Variants in SVIL observed in about 807,000 individuals in gnomAD.
SVIL encodes the protein supervillin, also known as archvillin.
Under a neutral mutation model 240.4 loss-of-function variants are expected in SVIL, and 101 were observed. The observed-to-expected ratio is 0.42, with a 90% confidence interval of 0.36 to 0.50. The LOEUF is 0.50. Among genes scored for constraint, SVIL ranks in the 20% least tolerant of loss-of-function variants. The pLI is 0.01. For missense variants in SVIL, 2,512 were observed against 2,818.7 expected, an observed-to-expected ratio of 0.89 and a Z score of 2.46; for synonymous variants, 999 against 1,100.0, an observed-to-expected ratio of 0.91 and a Z score of 1.82.
chr10:29,721,476 T>C (rs1963977295), intron 1 of SVIL, among the ~76,000 whole-genome samples: 1 of 151,826 alleles, frequency 6.6e-6, no homozygotes, highest in African/African-American at 2.4e-5. Flanking sequence ...AAAAAAGCAC[T>C]TTAAATAAAG....
intron 16 of SVIL, among the ~76,000 whole-genome samples, chr10:29,522,119 G>A (rs1023667451): frequency 6.6e-6 from 1 of 151,502 alleles, no homozygotes; most frequent in Non-Finnish European, 1.5e-5. Context: ...AAAGATATTG[G>A]GACAGTGGAA....
intron 29 of SVIL, among the ~76,000 whole-genome samples, chr10:29,480,313 A>G (rs981508254): frequency 3.3e-5 from 5 of 152,200 alleles, no homozygotes; most frequent in South Asian, 2.1e-4. Flanking sequence ...TTCAATTTCT[A>G]CAGGTGAACA....
chr10:29,724,197 A>G (rs1246261633), intron 1 of SVIL, among the ~76,000 whole-genome samples: 17 of 133,836 alleles, frequency 1.3e-4, no homozygotes, highest in African/African-American at 2.2e-4. Flanking sequence ...TTTTTTTTCA[A>G]GAAGCCTAAA....
intron 1 of SVIL, among the ~76,000 whole-genome samples, chr10:29,730,515 G>A (rs956443297): frequency 3.3e-5 from 5 of 152,194 alleles, no homozygotes; most frequent in South Asian, 2.1e-4. Flanking sequence ...AGAACCCAAC[G>A]GGGTTCTTGA....
At chr10:29,653,039 C>A (rs1336438264) in intron 3 of SVIL, among the ~76,000 whole-genome samples, 2 of 150,908 alleles carry the variant, frequency 1.3e-5, no homozygotes, top group Middle Eastern at 3.4e-3. Context: ...CTATGTTGAC[C>A]AAGCTGGTCT....
chr10:29,624,826 T>A (rs1327129215), intron 1 of SVIL, among the ~76,000 whole-genome samples: 1 of 152,228 alleles, frequency 6.6e-6, no homozygotes, highest in Non-Finnish European at 1.5e-5. Context: ...CCATTTACCA[T>A]CTGATTATTA....
intron 1 of SVIL, among the ~76,000 whole-genome samples, chr10:29,574,356 C>A (rs1955591045): frequency 6.6e-6 from 1 of 152,088 alleles, no homozygotes; most frequent in African/African-American, 2.4e-5. Context: ...TGGTACACAT[C>A]ACACCACACC....
intron 1 of SVIL, among the ~76,000 whole-genome samples, chr10:29,585,907 C>T (rs1471585593): frequency 3.3e-5 from 5 of 152,260 alleles, no homozygotes; most frequent in South Asian, 2.1e-4. Flanking sequence ...GCTCTGAGCG[C>T]GGTCACTGCC....
At chr10:29,544,476 C>A (rs187383302) in intron 6 of SVIL, among the ~76,000 whole-genome samples, 4 of 152,146 alleles carry the variant, frequency 2.6e-5, no homozygotes, top group Admixed American at 2.6e-4. Flanking sequence ...AATAGTCTGC[C>A]AGGCCCGGTG....
intron 3 of SVIL, among the ~76,000 whole-genome samples, chr10:29,651,617 A>ATTCT (rs758157520): frequency 3.9e-5 from 2 of 51,438 alleles, no homozygotes; most frequent in African/African-American, 1.6e-4. Context: ...TGCCACATGC[A>ATTCT]TTCTCTCTCT....
At chr10:29,529,368 G>A (rs1402470452) in intron 12 of SVIL, among the ~76,000 whole-genome samples, 3 of 69,772 alleles carry the variant, frequency 4.3e-5, no homozygotes, top group South Asian at 7.5e-4. Context: ...GAGCATCACC[G>A]GCCAGGAGCG....
chr10:29,687,936 T>C lies in SVIL; in HGVS notation c.-399-1285A>G, dbSNP rs371135295. Among the ~76,000 whole-genome samples the C allele has an allele frequency of 8.7e-4, 132 of 152,234 alleles. 1 individual carries two copies. The South Asian group carries it at 0.024, about 28-fold the overall frequency. The stretch of plus-strand genomic sequence containing the variant: ...AGTTACTCCCAGTTTCAGCAATGGA[T>C]AGTTCCCTTTCTTGCCCAATAACCG... On this transcript the variant is annotated intron_variant, in intron 1 of 35. Transcript: ENST00000375400.
intron 1 of SVIL, among the ~76,000 whole-genome samples, chr10:29,695,839 GTCTCCCTCTCCC>G (rs1367558611): frequency 3.3e-5 from 1 of 30,454 alleles, no homozygotes; most frequent in Non-Finnish European, 6.2e-5. Flanking sequence ...TCCCTCTCCC[GTCTCCCTCTCCC>G]TCTCCCTCTC....
At chr10:29,532,365 G>A (rs1951432148) in intron 8 of SVIL, among the ~76,000 whole-genome samples, 164 bp downstream of exon 8, 1 of 152,246 alleles carries the variant, frequency 6.6e-6, no homozygotes, top group African/African-American at 2.4e-5. Flanking sequence ...GTAGGCAGAA[G>A]CAGAGTGGTA....
At chr10:29,517,457 A>AAGAAAT (rs1469381165) in intron 16 of SVIL, among the ~76,000 whole-genome samples, 2 of 152,054 alleles carry the variant, frequency 1.3e-5, no homozygotes, top group African/African-American at 4.8e-5. Flanking sequence ...GAAAAAGAAA[A>AAGAAAT]AGAAAAGGAG....
Position 29,555,075 on chromosome 10 carries a change from T to C in SVIL, c.-17A>G. 2 of 1,613,030 alleles carry C rather than the reference T, an allele frequency of 1.2e-6. No homozygotes were observed. Among genetic ancestry groups the C allele is most frequent in the Non-Finnish European group, 1.7e-6 (2 of 1,179,732 alleles). ...CCTTTTCATTTCTAAGAATTCTTTCTTCTTTGGTTCAAAGATTTGTCTTAA... is the reference window on the plus strand; with the variant it reads ...CCTTTTCATTTCTAAGAATTCTTTCCTCTTTGGTTCAAAGATTTGTCTTAA... On this transcript the variant is annotated 5_prime_UTR_variant, in exon 4 of 38. Transcript: ENST00000355867.
intron 1 of SVIL, among the ~76,000 whole-genome samples, chr10:29,733,348 G>T (rs776858798): frequency 6.6e-6 from 1 of 152,134 alleles, no homozygotes; most frequent in Non-Finnish European, 1.5e-5. Flanking sequence ...TTTACAGACA[G>T]CTGTCTAGCT....
At chr10:29,587,226 A>G (rs1440346605) in intron 1 of SVIL, among the ~76,000 whole-genome samples, 1 of 152,206 alleles carries the variant, frequency 6.6e-6, no homozygotes, top group South Asian at 2.1e-4. Flanking sequence ...AGGAGAGTGC[A>G]TATTCCTGTC....
intron 3 of SVIL, among the ~76,000 whole-genome samples, chr10:29,556,145 A>C (rs1343741399): frequency 3.3e-5 from 5 of 152,234 alleles, no homozygotes; most frequent in African/African-American, 1.2e-4. Flanking sequence ...ATGCCAGACA[A>C]CTGTTTCTTT....
Sources: allele counts gnomAD v4.1 joint callset (sites outside exome capture counted in the v4.1 genomes callset), GRCh38; gene constraint gnomAD v4.1.1; transcripts MANE v1.5; gene names NCBI Gene and HGNC (gene_info 2026-07-23, HGNC 2026-07-21).